RBPJ: variants seen among roughly 807,000 people sequenced by gnomAD.
The protein encoded by RBPJ is recombination signal binding protein for immunoglobulin kappa J region, also known as recombining binding protein suppressor of hairless.
In RBPJ, 9 loss-of-function variants were observed where a neutral mutation model predicts 67.8. That is an observed-to-expected ratio of 0.13 (90% confidence interval 0.08 to 0.23). The LOEUF (loss-of-function observed/expected upper bound fraction) is 0.23, where lower values mean the gene tolerates loss of function less well. RBPJ is among the 10% of genes least tolerant of loss of function. The probability of loss-of-function intolerance (pLI) is 1.00; values close to 1 mark genes in which losing one functional copy is unlikely to be tolerated. For missense variants in RBPJ, 305 were observed against 595.6 expected, an observed-to-expected ratio of 0.51 and a Z score of 5.08; for synonymous variants, 198 against 203.3, an observed-to-expected ratio of 0.97 and a Z score of 0.22.
In RBPJ at chr4:26,424,254, T is replaced by C. The variant is rs1446695454; in HGVS notation, c.497-88T>C. 4.0e-6 allele frequency: 5 copies of C among 1,242,864 alleles called. No homozygotes were observed. In the Admixed American group the frequency reaches 9.8e-5, roughly 24 times the overall value. 77.0% of individuals were successfully genotyped at this position (1,242,864 alleles called of 1,614,324 possible). A position where few individuals can be genotyped will look rare whatever the true frequency, so the allele number is the denominator to read the frequency against. On this transcript the variant is annotated intron_variant, in intron 5 of 10. Transcript: ENST00000355476. The surrounding 1 kb of genome is among the most constrained non-coding windows in gnomAD (Gnocchi z 5.3). ...CTGTTAAATGATAAGAAAGAATAAT[T>C]ATACACTGCCAAGCAGAATTTCCTT...
chr4:26,326,146 G>A (rs1393488191), intron 1 of RBPJ, among the ~76,000 whole-genome samples: 1 of 152,050 alleles, frequency 6.6e-6, no homozygotes, highest in Non-Finnish European at 1.5e-5. Context: ...TTGTGTGTGT[G>A]CTTGTGTGTA....
chr4:26,320,505 GT>G (rs1693805350), upstream of RBPJ: 1 of 481,278 alleles, frequency 2.1e-6, no homozygotes, highest in African/African-American at 2.0e-5. Context: ...CCCAGGGAAC[GT>G]TTGAATGAAT....
intron 1 of RBPJ, among the ~76,000 whole-genome samples, chr4:26,271,799 CT>C (rs961490618): frequency 6.6e-6 from 1 of 152,150 alleles, no homozygotes; most frequent in Non-Finnish European, 1.5e-5. Flanking sequence ...ACCCATGAGT[CT>C]TCAACATACA....
intron 1 of RBPJ, among the ~76,000 whole-genome samples, chr4:26,271,010 A>G (rs1720899728): frequency 6.6e-6 from 1 of 151,428 alleles, no homozygotes; most frequent in Non-Finnish European, 1.5e-5. Flanking sequence ...TATACAGTAT[A>G]TTATTCTAAT....
At chr4:26,125,525 G>A in the RBPJ span, among the ~76,000 whole-genome samples, 1 of 152,176 alleles carries the variant, frequency 6.6e-6, no homozygotes, top group Non-Finnish European at 1.5e-5. Flanking sequence ...TGGGTCAGGT[G>A]CAATGGCTCA....
At chr4:26,139,888 A>G in the RBPJ span, among the ~76,000 whole-genome samples, 32 of 152,294 alleles carry the variant, frequency 2.1e-4, 1 homozygote, top group African/African-American at 7.0e-4. Context: ...ATATTCTACA[A>G]AGATGCTCCT....
At chr4:26,396,569 A>G (rs1241580464) in intron 2 of RBPJ, among the ~76,000 whole-genome samples, 1 of 152,246 alleles carries the variant, frequency 6.6e-6, no homozygotes, top group Non-Finnish European at 1.5e-5. Flanking sequence ...AAAATGGCTT[A>G]TTTGTACAAT....
At chr4:26,406,315 G>A (rs1184349891) in intron 3 of RBPJ, 45 bp downstream of exon 3, 3 of 1,253,832 alleles carry the variant, frequency 2.4e-6, no homozygotes, top group Non-Finnish European at 3.5e-6. Flanking sequence ...GTTACCACAT[G>A]AATTTGCCAA....
chr4:26,390,927 G>A (rs141144653), intron 2 of RBPJ, among the ~76,000 whole-genome samples: 302 of 152,256 alleles, frequency 2.0e-3, no homozygotes, highest in Middle Eastern at 6.8e-3. Context: ...ATGTTGGCAC[G>A]TGCCTGTGGT....
rs1361954441 is a variant in RBPJ, at chr4:26,433,615, A to G, written c.*2608A>G. On this transcript the variant is annotated 3_prime_UTR_variant, in exon 11 of 11. Coordinates refer to ENST00000355476, the MANE Select transcript of RBPJ (RefSeq NM_015874.6). ...AAACCCTTTTCTTTTCTTTTTTTGA[A>G]AAGTCCAAGAATGTACTTATACAGG... 6.6e-6 allele frequency: 1 copy of G among 152,066 alleles called. No homozygotes were observed. Among genetic ancestry groups the G allele is most frequent in the Non-Finnish European group, 1.5e-5 (1 of 68,006 alleles). 9.4% of individuals were successfully genotyped at this position (152,066 alleles called of 1,614,324 possible). A position where few individuals can be genotyped will look rare whatever the true frequency, so the allele number is the denominator to read the frequency against.
chr4:26,239,172 T>G (rs1000748309), intron 1 of RBPJ, among the ~76,000 whole-genome samples: 2 of 152,314 alleles, frequency 1.3e-5, no homozygotes, highest in Non-Finnish European at 2.9e-5. Context: ...AGAAATTTAT[T>G]TTTATTACTG....
intron 1 of RBPJ, among the ~76,000 whole-genome samples, chr4:26,287,578 GGAC>G (rs1721513796): frequency 4.0e-4 from 9 of 22,650 alleles, no homozygotes; most frequent in African/African-American, 3.5e-3. Flanking sequence ...GGAAAGGAAA[GGAC>G]AGGAGAGGAG....
intron 1 of RBPJ, among the ~76,000 whole-genome samples, chr4:26,349,091 C>T (rs546067995): frequency 1.5e-5 from 2 of 137,462 alleles, no homozygotes; most frequent in Admixed American, 7.8e-5. Context: ...TGTGTGTGCG[C>T]GCGCGCACGC....
intron 1 of RBPJ, among the ~76,000 whole-genome samples, chr4:26,210,760 T>TTTCCTTCTTTACTTCTTTCCTTCTTTCC (rs1374256025): frequency 1.0e-5 from 1 of 99,960 alleles, no homozygotes; most frequent in Non-Finnish European, 2.0e-5. Context: ...TCCTTCTTTC[T>TTTCCTTCTTTACTTCTTTCCTTCTTTCC]TTCTTTCTTT....
At chr4:26,404,003 C>T (rs914884664) in intron 2 of RBPJ, among the ~76,000 whole-genome samples, 2 of 152,166 alleles carry the variant, frequency 1.3e-5, no homozygotes, top group Non-Finnish European at 2.9e-5. Flanking sequence ...CTACCACCAA[C>T]AGTGTATAAA....
intron 2 of RBPJ, among the ~76,000 whole-genome samples, chr4:26,388,044 T>A (rs1003083750): frequency 6.6e-6 from 1 of 152,098 alleles, no homozygotes. Context: ...AATCAAAATA[T>A]ACCAGTCATA....
intron 1 of RBPJ, among the ~76,000 whole-genome samples, chr4:26,231,565 C>T (rs1719287104): frequency 6.6e-6 from 1 of 152,066 alleles, no homozygotes. Context: ...GCACCCGCCA[C>T]CATGCCCAGC....
rs532588716 is a variant in RBPJ, at chr4:26,171,331, A to G, written c.-167+7717A>G. 4.6e-5 allele frequency among the ~76,000 whole-genome samples: 7 copies of G among 150,998 alleles called. 1 individual carries two copies. In the South Asian group the frequency reaches 1.2e-3, roughly 27 times the overall value. ...TACAGTATACAAGGTGTCACTGTAC[A>G]GTATACAAGGTATCACTGTAATGAG... On this transcript the variant is annotated intron_variant, in intron 1 of 4. Coordinates refer to the RBPJ transcript ENST00000512351.
intron 1 of RBPJ, among the ~76,000 whole-genome samples, chr4:26,305,497 C>G (rs1205895030): frequency 6.6e-6 from 1 of 152,100 alleles, no homozygotes; most frequent in Non-Finnish European, 1.5e-5. Flanking sequence ...ACATTTCTTT[C>G]AACAATGTTT....
Sources: gnomAD v4.1 joint callset for allele counts (sites outside exome capture counted in the v4.1 genomes callset) on GRCh38, gnomAD v4.1.1 for gene constraint, Gnocchi (gnomAD v3.1) non-coding constraint, MANE v1.5 for transcripts, NCBI Gene and HGNC (gene_info 2026-07-23, HGNC 2026-07-21) for gene names.